MYCBP2: variants seen among roughly 807,000 people sequenced by gnomAD.
The protein encoded by MYCBP2 is MYC binding protein 2.
MYCBP2 carries 120 observed loss-of-function variants against 525.3 expected under a neutral mutation model. That is an observed-to-expected ratio of 0.23 (90% CI 0.20 to 0.27). The LOEUF (loss-of-function observed/expected upper bound fraction) is 0.27, where lower values mean the gene tolerates loss of function less well. Among genes scored for constraint, MYCBP2 ranks in the 10% least tolerant of loss-of-function variants. MYCBP2 has a pLI of 1.00. For missense variants in MYCBP2, 4,149 were observed against 5,657.1 expected, an observed-to-expected ratio of 0.73 and a Z score of 8.55; for synonymous variants, 1,894 against 1,955.8, an observed-to-expected ratio of 0.97 and a Z score of 0.83.
At position 77,103,661 on chromosome 13, in the gene MYCBP2, T is replaced by G. The variant is rs970984832; in HGVS notation, c.8141-4648A>C. On this transcript the variant is annotated intron_variant, in intron 55 of 82. Transcript: ENST00000544440. ...GTTCATTTAAATAAAGATTTACAAG[T>G]TTTTTTTTAATAGTGGAAGATAAAG... Among the ~76,000 whole-genome samples, 24 of 150,150 alleles carry G rather than the reference T, an allele frequency of 1.6e-4. 1 individual carries two copies. The highest frequency in any genetic ancestry group is 1.3e-4 in the Admixed American group (2 of 15,042).
At chr13:77,206,451 T>A (rs191517948) in intron 24 of MYCBP2, among the ~76,000 whole-genome samples, 1 of 152,016 alleles carries the variant, frequency 6.6e-6, no homozygotes, top group East Asian at 1.9e-4. Flanking sequence ...TAATTGGGCA[T>A]ACATAAATCT....
At position 77,096,325 on chromosome 13, in the gene MYCBP2, G is replaced by A. The variant is rs2046255730; in HGVS notation, c.9941C>T (p.Ala3314Val). Reference protein sequence around the residue: ...REKYLREKQAAAREKVKQSRR... With the variant: ...REKYLREKQAVAREKVKQSRR... Reference sequence around the variant, plus strand: ...GGAATAAAATACCTTCTCCCTTGCAGCAGCCTGTTTTTCGCGGAGGTATTT... The same window carrying A: ...GGAATAAAATACCTTCTCCCTTGCAACAGCCTGTTTTTCGCGGAGGTATTT... The change falls in exon 57 of 83, where the codon GCT becomes GTT. Residue 3314 changes from alanine (A) to valine (V), a missense_variant. By Grantham distance (64) the Ala-to-Val change is moderately conservative. Coordinates refer to ENST00000544440, the MANE Select transcript of MYCBP2 (RefSeq NM_015057.5). The A allele has an allele frequency of 6.2e-7, 1 of 1,612,810 alleles. No individual in the cohort carries two copies.
chr13:77,115,865 T>A (rs1307962843), intron 55 of MYCBP2, among the ~76,000 whole-genome samples: 1 of 151,502 alleles, frequency 6.6e-6, no homozygotes, highest in Non-Finnish European at 1.5e-5. Context: ...AAAGTCAAAC[T>A]ATAAAAAGAA....
intron 17 of MYCBP2, among the ~76,000 whole-genome samples, chr13:77,237,204 GTAGT>G (rs2068051461): frequency 6.6e-6 from 1 of 152,090 alleles, no homozygotes; most frequent in African/African-American, 2.4e-5. Context: ...ATGATATTAG[GTAGT>G]TACTGTATAG....
Position 77,257,789 on chromosome 13 carries a change from T to G in MYCBP2, c.2058A>C (p.Val686=), listed in dbSNP as rs771880247. The G allele has an allele frequency of 9.9e-6, 16 of 1,611,088 alleles. No homozygotes were observed. Among genetic ancestry groups the G allele is most frequent in the African/African-American group, 1.3e-5 (1 of 74,814 alleles). The change falls in exon 14 of 83, where the codon GTA becomes GTC. Residue 686 remains valine, a synonymous_variant. Coordinates refer to ENST00000544440, the MANE Select transcript of MYCBP2 (RefSeq NM_015057.5). ...CACAAGTGTGAGCTTTGCCCATAGC[T>G]ACCTGAGTTACAAAATGGCCCTTCA... is the stretch of plus-strand genomic sequence containing the variant. ...TDLKGHFVTQ[V]AMGKAHTCVL...
intron 58 of MYCBP2, among the ~76,000 whole-genome samples, chr13:77,093,957 A>G (rs2045842137): frequency 6.6e-6 from 1 of 152,128 alleles, no homozygotes; most frequent in African/African-American, 2.4e-5. Context: ...TTACAATTTG[A>G]TTCTTTCCTT....
At chr13:77,069,154 C>T (rs956400044) in intron 69 of MYCBP2, among the ~76,000 whole-genome samples, 2 of 152,154 alleles carry the variant, frequency 1.3e-5, no homozygotes, top group African/African-American at 2.4e-5. Context: ...GGCACTTTTT[C>T]TCATGGTTTA....
intron 20 of MYCBP2, among the ~76,000 whole-genome samples, chr13:77,221,016 T>A (rs1369958834): frequency 6.6e-6 from 1 of 152,180 alleles, no homozygotes; most frequent in Non-Finnish European, 1.5e-5. Context: ...ATCCCACCAG[T>A]GTTTAATCTT....
intron 1 of MYCBP2, among the ~76,000 whole-genome samples, chr13:77,299,322 A>G (rs1277191456): frequency 6.6e-6 from 1 of 152,214 alleles, no homozygotes; most frequent in African/African-American, 2.4e-5. Flanking sequence ...CTTTCTATGC[A>G]TGATGGCATT....
intron 1 of MYCBP2, among the ~76,000 whole-genome samples, chr13:77,299,049 G>A (rs1220619981): frequency 6.6e-6 from 1 of 152,144 alleles, no homozygotes; most frequent in Non-Finnish European, 1.5e-5. Flanking sequence ...AAGATTACCT[G>A]AGTGAAATCA....
intron 24 of MYCBP2, among the ~76,000 whole-genome samples, chr13:77,205,922 G>A (rs529673450): frequency 1.3e-5 from 2 of 152,190 alleles, no homozygotes; most frequent in African/African-American, 4.8e-5. Flanking sequence ...AGTGCTATTT[G>A]AGGAAGACAC....
intron 2 of MYCBP2, 101 bp downstream of exon 2, chr13:77,296,498 A>G (rs1243512487): frequency 7.0e-6 from 9 of 1,292,736 alleles, no homozygotes; most frequent in African/African-American, 3.1e-5. Flanking sequence ...ACTTCAGCAC[A>G]TACTAATAAA....
rs1285135864 is a variant in MYCBP2 at position 77,181,932 on chromosome 13, A to G, written c.4720-10T>C. On this transcript the variant is annotated splice_polypyrimidine_tract_variant and intron_variant, in intron 32 of 82. Transcript: ENST00000544440. ...TTGCTTCTTGGATATCCTTTTAAAA[A>G]CAAAAATATGGCCCCCCAACCAAAA... The G allele has an allele frequency of 1.9e-6, 3 of 1,610,048 alleles. No homozygotes were observed. The highest frequency in any genetic ancestry group is 1.7e-6 in the Non-Finnish European group (2 of 1,178,386).
At position 77,168,423 on chromosome 13, in the gene MYCBP2, C is replaced by A; in HGVS notation, c.6114+5G>T. 6.2e-7 allele frequency: 1 copy of A among 1,612,974 alleles called. No individual in the cohort carries two copies. On this transcript the variant is annotated splice_donor_5th_base_variant and intron_variant, in intron 40 of 82. Coordinates refer to ENST00000544440, the MANE Select transcript of MYCBP2 (RefSeq NM_015057.5). Reference sequence around the variant, plus strand: ...ATTCGAATCACACTAAGAACCGGTGCCTACCTTGTAATGCATCACACAGGC... The same window carrying A: ...ATTCGAATCACACTAAGAACCGGTGACTACCTTGTAATGCATCACACAGGC...
chr13:77,208,580 A>C (rs924414639), intron 23 of MYCBP2, among the ~76,000 whole-genome samples: 2 of 152,214 alleles, frequency 1.3e-5, no homozygotes, highest in African/African-American at 4.8e-5. Flanking sequence ...AAAGATCTCT[A>C]AATTATTTTT....
At position 77,097,765 on chromosome 13, in the gene MYCBP2, T is replaced by A; in HGVS notation, c.9389A>T (p.His3130Leu). ...GGTTTTCCCATCCTCACATTTTTCA[T>A]GCAGAGGTGGTTCCTTAAGCATAGA... ...VLSMLKEPPL[H>L]EKCEDGKTET... is the part of the protein sequence containing the mutation. The change falls in exon 56 of 83, where the codon CAT becomes CTT. Residue 3130 changes from histidine to leucine, a missense_variant. His to Leu is a moderately conservative substitution (Grantham distance 99, BLOSUM62 -3). Transcript: ENST00000544440. The A allele has an allele frequency of 6.2e-7, 1 of 1,613,716 alleles. No individual in the cohort carries two copies. The highest frequency in any genetic ancestry group is 8.5e-7 in the Non-Finnish European group (1 of 1,179,800).
intron 43 of MYCBP2, 21 bp from the exon 44 acceptor site, chr13:77,161,976 T>G (rs1179828275): frequency 6.6e-7 from 1 of 1,512,684 alleles, no homozygotes; most frequent in Non-Finnish European, 9.1e-7. Flanking sequence ...AATAAAGAGT[T>G]TTACTAAAAT....
chr13:77,075,677 G>A (rs575252752), intron 68 of MYCBP2: 2 of 152,072 alleles, frequency 1.3e-5, no homozygotes, highest in Non-Finnish European at 2.9e-5. Flanking sequence ...TTCTTTTTGG[G>A]GGGGGTGAGG....
rs368235641 is a variant in MYCBP2, at chr13:77,211,280, T to C, written c.3303A>G (p.Lys1101=). The C allele has an allele frequency of 1.1e-4, 168 of 1,517,464 alleles. No individual in the cohort carries two copies. The highest frequency in any genetic ancestry group is 1.4e-4 in the Non-Finnish European group (156 of 1,127,478). 94.0% of individuals were successfully genotyped at this position (1,517,464 alleles called of 1,614,324 possible). The change falls in exon 23 of 83, where the codon AAA becomes AAG. Residue 1101 remains lysine, a synonymous_variant. Transcript: ENST00000544440. ...CATCCACTTTATTTATCAGAAGGCATTTAAATGGAGGAGGTTCTGATATAG... is the reference window on the plus strand; with the variant it reads ...CATCCACTTTATTTATCAGAAGGCACTTAAATGGAGGAGGTTCTGATATAG... ...PASISEPPPF[K]CLLINKVDGS... is the part of the protein sequence containing the mutation.
Sources: gnomAD v4.1 joint callset for allele counts (sites outside exome capture counted in the v4.1 genomes callset) on GRCh38, gnomAD v4.1.1 for gene constraint, MANE v1.5 for transcripts, NCBI Gene and HGNC (gene_info 2026-07-23, HGNC 2026-07-21) for gene names.